The following ENTREP2 variants were observed in gnomAD, a reference collection of about 807,000 sequenced individuals.
ENTREP2 encodes the protein protein ENTREP2.
chr15:29,501,145 T>C, the ENTREP2 span, among the ~76,000 whole-genome samples: 1 of 152,178 alleles, frequency 6.6e-6, no homozygotes, highest in East Asian at 1.9e-4. Flanking sequence ...ATTAACAACA[T>C]TATTTCTCAA....
At chr15:29,186,499 G>A in the ENTREP2 span, among the ~76,000 whole-genome samples, 1 of 152,210 alleles carries the variant, frequency 6.6e-6, no homozygotes, top group Non-Finnish European at 1.5e-5. Context: ...GTGTGCAGGG[G>A]AAGGAGTGGT....
chr15:29,597,994 C>A, the ENTREP2 span, among the ~76,000 whole-genome samples: 1 of 152,036 alleles, frequency 6.6e-6, no homozygotes. Context: ...TCATGGCATG[C>A]ACCGTGTAGT....
chr15:29,417,043 A>G, the ENTREP2 span, among the ~76,000 whole-genome samples: 1 of 152,188 alleles, frequency 6.6e-6, no homozygotes, highest in Non-Finnish European at 1.5e-5. Context: ...TTTCACTGTT[A>G]GTGGGACTGT....
chr15:29,422,892 G>A, the ENTREP2 span, among the ~76,000 whole-genome samples: 2 of 152,172 alleles, frequency 1.3e-5, no homozygotes, highest in Non-Finnish European at 2.9e-5. Flanking sequence ...TGTGGCCAAT[G>A]GAACCGGTGT....
the ENTREP2 span, among the ~76,000 whole-genome samples, chr15:29,303,143 C>T: frequency 1.3e-5 from 2 of 152,222 alleles, no homozygotes; most frequent in African/African-American, 4.8e-5. Flanking sequence ...GTGGCCTGGC[C>T]TGCCACTTGA....
At chr15:29,637,014 T>G in the ENTREP2 span, among the ~76,000 whole-genome samples, 2 of 152,192 alleles carry the variant, frequency 1.3e-5, no homozygotes, top group Non-Finnish European at 2.9e-5. Context: ...TAAAGTTTAC[T>G]CCCCAGAAAC....
the ENTREP2 span, chr15:29,151,654 A>T: frequency 2.6e-5 from 30 of 1,145,894 alleles, no homozygotes; most frequent in African/African-American, 4.0e-4. Flanking sequence ...CTGTCCTCAC[A>T]GCATCTGGCT....
chr15:29,610,751 A>AC, the ENTREP2 span: 3 of 150,304 alleles, frequency 2.0e-5, no homozygotes, highest in Admixed American at 2.0e-4. Flanking sequence ...GACAACCTCT[A>AC]CAAAGAGGTG....
the ENTREP2 span, among the ~76,000 whole-genome samples, chr15:29,370,922 TA>T: frequency 1.6e-4 from 24 of 149,174 alleles, no homozygotes; most frequent in African/African-American, 5.4e-4. Context: ...AGAACAGATT[TA>T]AAAAAAAAAC....
chr15:29,157,636 T>C, the ENTREP2 span, among the ~76,000 whole-genome samples: 1 of 152,110 alleles, frequency 6.6e-6, no homozygotes, highest in South Asian at 2.1e-4. Context: ...CTTAAAACAA[T>C]CCTGCTGGTG....
the ENTREP2 span, chr15:29,570,540 C>G: frequency 6.9e-7 from 1 of 1,459,848 alleles, no homozygotes. Context: ...GAGTGGCGGA[C>G]GCGGGCCGAG....
chr15:29,484,345 G>C, the ENTREP2 span, among the ~76,000 whole-genome samples: 6 of 152,150 alleles, frequency 3.9e-5, no homozygotes, highest in Non-Finnish European at 8.8e-5. Context: ...CACTGCCCTA[G>C]CGGAAGGAAT....
chr15:29,483,652 T>G, the ENTREP2 span, among the ~76,000 whole-genome samples: 1 of 152,364 alleles, frequency 6.6e-6, no homozygotes, highest in South Asian at 2.1e-4. Context: ...ATAAATTGTC[T>G]ATTATTTAAT....
chr15:29,235,628 A>G, the ENTREP2 span, among the ~76,000 whole-genome samples: 1 of 152,228 alleles, frequency 6.6e-6, no homozygotes, highest in African/African-American at 2.4e-5. Flanking sequence ...AGAAACAAGG[A>G]AAGCTCTTAA....
At chr15:29,200,526 C>G in the ENTREP2 span, among the ~76,000 whole-genome samples, 1 of 151,742 alleles carries the variant, frequency 6.6e-6, no homozygotes, top group African/African-American at 2.4e-5. Context: ...AAAAGTGTTG[C>G]TGGGATTTTG....
chr15:29,165,699 C>T, the ENTREP2 span, among the ~76,000 whole-genome samples: 5 of 151,956 alleles, frequency 3.3e-5, no homozygotes, highest in African/African-American at 1.2e-4. Flanking sequence ...AAATTACCAA[C>T]AACAAAAAAT....
At chr15:29,356,268 G>GTATATATATATATATA in the ENTREP2 span, among the ~76,000 whole-genome samples, 1 of 57,614 alleles carries the variant, frequency 1.7e-5, no homozygotes, top group African/African-American at 8.6e-5. Context: ...GTGTGTGTGT[G>GTATATATATATATATA]TATATATATA....
chr15:29,341,832 C>T, the ENTREP2 span, among the ~76,000 whole-genome samples: 2 of 152,074 alleles, frequency 1.3e-5, no homozygotes, highest in Non-Finnish European at 2.9e-5. Context: ...TCAGGAGGCC[C>T]GTGGCGCTGG....
the ENTREP2 span, among the ~76,000 whole-genome samples, chr15:29,149,504 G>A: frequency 6.6e-6 from 1 of 152,220 alleles, no homozygotes; most frequent in African/African-American, 2.4e-5. Context: ...AGCCAGCCTG[G>A]CTCAAGCCTC....
Sources: allele counts gnomAD v4.1 joint callset (sites outside exome capture counted in the v4.1 genomes callset), GRCh38; gene constraint gnomAD v4.1.1; transcripts MANE v1.5; gene names NCBI Gene and HGNC (gene_info 2026-07-23, HGNC 2026-07-21).